The following SPNS2 variants were observed in gnomAD, a reference collection of about 807,000 sequenced individuals.
SPNS2 encodes sphingosine-1-phosphate transporter SPNS2.
A neutral mutation model predicts 57.6 loss-of-function variants in SPNS2; 37 were observed. That is an observed-to-expected ratio of 0.64 (90% CI 0.49 to 0.85). The LOEUF (loss-of-function observed/expected upper bound fraction) is 0.85. Among genes scored for constraint, SPNS2 ranks in the 40% least tolerant of loss-of-function variants. The pLI is 0.00. For synonymous variants in SPNS2, 440 were observed against 346.9 expected, an observed-to-expected ratio of 1.27 and a Z score of -2.98; for missense variants, 831 against 779.1, an observed-to-expected ratio of 1.07 and a Z score of -0.79.
rs1390623625 is a variant in SPNS2 at position 4,510,142 on chromosome 17, A to G, written c.371-3105A>G. Among the ~76,000 whole-genome samples the G allele has an allele frequency of 6.6e-6, 1 of 152,240 alleles. No homozygotes were observed. Among genetic ancestry groups the G allele is most frequent in the Non-Finnish European group, 1.5e-5 (1 of 68,034 alleles). On this transcript the variant is annotated intron_variant, in intron 1 of 12. Coordinates refer to ENST00000329078, the MANE Select transcript of SPNS2 (RefSeq NM_001124758.3). The surrounding 1 kb of genome is among the most constrained non-coding windows in gnomAD (Gnocchi z 4.4). ...CCCTCCTGTGGCTGTGGCCGCCTCC[A>G]GGCCCGGAAGAGGGAAAGCAAGCCA...
At position 4,538,469 on chromosome 17, in the gene SPNS2, CA is replaced by C. The variant is rs753177867; in HGVS notation, c.*1022del. The C allele has an allele frequency of 4.7e-4, 59 of 126,438 alleles. No individual in the cohort carries two copies. Among genetic ancestry groups the C allele is most frequent in the Admixed American group, 7.0e-4 (7 of 9,934 alleles). The allele number at this position is 126,438 out of a possible 1,614,324, so 7.8% of individuals were successfully genotyped here. On this transcript the variant is annotated 3_prime_UTR_variant, in exon 13 of 13. Coordinates refer to ENST00000329078, the MANE Select transcript of SPNS2 (RefSeq NM_001124758.3). ...CTGCTGGCATTCCACCAAGTGACCC[CA>C]GGGGGGGGCCAGGCCTTCGATCACC...
At chr17:4,529,334 C>A (rs190333620) in intron 3 of SPNS2, among the ~76,000 whole-genome samples, 79 of 152,242 alleles carry the variant, frequency 5.2e-4, no homozygotes, top group Non-Finnish European at 9.4e-4. Flanking sequence ...CCTGCCTCAG[C>A]CTCCTAAAGT....
chr17:4,525,304 T>C, intron 3 of SPNS2, 111 bp downstream of exon 3: 1 of 1,442,450 alleles, frequency 6.9e-7, no homozygotes, highest in Non-Finnish European at 9.4e-7. Context: ...GCTCCTTTGC[T>C]TGAACCCCAC....
At chr17:4,505,782 A>T (rs563940736) in intron 1 of SPNS2, among the ~76,000 whole-genome samples, 1 of 152,284 alleles carries the variant, frequency 6.6e-6, no homozygotes, top group East Asian at 1.9e-4. Flanking sequence ...ACGAGGCACT[A>T]GCCAGAGCTT....
rs1260912198 is a variant in SPNS2 at position 4,525,067 on chromosome 17, T to C, written c.447T>C (p.Cys149=). 1 of 1,614,078 alleles carries C rather than the reference T, an allele frequency of 6.2e-7. No homozygotes were observed. The highest frequency in any genetic ancestry group is 8.5e-7 in the Non-Finnish European group (1 of 1,180,014). The change falls in exon 3 of 13, where the codon TGT becomes TGC. Residue 149 remains cysteine (C), a synonymous_variant. Transcript: ENST00000329078. ...CTCCTCTCCCTGCAGTGTTCATCTG[T>C]AGCTTCATGGTGGCTGCCCCCATCT... is the stretch of plus-strand genomic sequence containing the variant. ...GAGLLQSVFI[C]SFMVAAPIFG...
Position 4,512,856 on chromosome 17 carries a change from G to A in SPNS2, c.371-391G>A, listed in dbSNP as rs111328023. The stretch of plus-strand genomic sequence containing the variant: ...GCTCCCCGCAGCTTTCAGGGCCCCC[G>A]CTGCTCTCTGAGTCATGGGCTTTGT... On this transcript the variant is annotated intron_variant, in intron 1 of 12. Transcript: ENST00000329078. This position sits in a 1 kb window ranked among gnomAD's most constrained non-coding sequence, Gnocchi z 5.2. Among the ~76,000 whole-genome samples, 58 of 152,308 alleles carry A rather than the reference G, an allele frequency of 3.8e-4. 1 individual carries two copies. The highest frequency in any genetic ancestry group is 1.3e-3 in the African/African-American group (56 of 41,574).
Position 4,499,251 on chromosome 17 carries a change from G to A in SPNS2, c.204G>A (p.Pro68=), listed in dbSNP as rs1904378704. 1 of 1,470,270 alleles carries A rather than the reference G, an allele frequency of 6.8e-7. No individual in the cohort carries two copies. The highest frequency in any genetic ancestry group is 8.9e-7 in the Non-Finnish European group (1 of 1,118,076). The allele number at this position is 1,470,270 out of a possible 1,614,324, so 91.1% of individuals were successfully genotyped here. ...TGTCGGGCAGCGTAAGGCGGGCCCC[G>A]ACCGGACCCCCCGGCACCCCCGGCA... ...QTLSGSVRRA[P]TGPPGTPGTP... Residue 68 remains proline (P), a synonymous_variant, in exon 1 of 13, where the codon CCG becomes CCA. Coordinates refer to ENST00000329078, the MANE Select transcript of SPNS2 (RefSeq NM_001124758.3). The surrounding 1 kb of genome is among the most constrained non-coding windows in gnomAD (Gnocchi z 5.2).
At chr17:4,536,847 G>T (rs376970196) in intron 11 of SPNS2, 53 bp from the exon 12 acceptor site, 10 of 1,492,070 alleles carry the variant, frequency 6.7e-6, no homozygotes, top group East Asian at 4.5e-5. Context: ...AGCAGTGCCC[G>T]GGCCCGGCCC....
At chr17:4,534,673 G>C (rs950611923) in intron 9 of SPNS2, among the ~76,000 whole-genome samples, 4 of 152,130 alleles carry the variant, frequency 2.6e-5, no homozygotes, top group Non-Finnish European at 5.9e-5. Context: ...GGGCGTATCC[G>C]CTTCCCCCTG....
In SPNS2 at chr17:4,538,723, T is replaced by C; in HGVS notation, c.*1275T>C. ...TCTTGCCCCTTAGTTACTGGCTGGCTGTGGCTTCAGTGGTGTGTAAGCAGG... is the reference window on the plus strand; with the variant it reads ...TCTTGCCCCTTAGTTACTGGCTGGCCGTGGCTTCAGTGGTGTGTAAGCAGG... On this transcript the variant is annotated 3_prime_UTR_variant, in exon 13 of 13. Transcript: ENST00000329078. 1 of 651,578 alleles carries C rather than the reference T, an allele frequency of 1.5e-6. No individual in the cohort carries two copies. The highest frequency in any genetic ancestry group is 2.7e-6 in the Non-Finnish European group (1 of 365,992). The allele number at this position is 651,578 out of a possible 1,614,324, so 40.4% of individuals were successfully genotyped here. A position where few individuals can be genotyped will look rare whatever the true frequency, so the allele number is the denominator to read the frequency against.
chr17:4,528,126 G>A (rs549025891), intron 3 of SPNS2, among the ~76,000 whole-genome samples: 15 of 151,726 alleles, frequency 9.9e-5, no homozygotes, highest in Admixed American at 3.3e-4. Flanking sequence ...GGGTTCAAGC[G>A]ATTCTCCTGC....
At chr17:4,534,747 C>T (rs1404924909) in intron 9 of SPNS2, among the ~76,000 whole-genome samples, 1 of 151,974 alleles carries the variant, frequency 6.6e-6, no homozygotes, top group African/African-American at 2.4e-5. Context: ...TGGCGCAGTT[C>T]AGAGCCTCAG....
Position 4,538,151 on chromosome 17 carries a change from C to T in SPNS2, c.*703C>T. On this transcript the variant is annotated 3_prime_UTR_variant, in exon 13 of 13. Coordinates refer to ENST00000329078, the MANE Select transcript of SPNS2 (RefSeq NM_001124758.3). ...GCTGGCATCACCAGGGGTGAAGGCCCTGGCTGCAGCTGTACACCACCTGTG... is the reference window on the plus strand; with the variant it reads ...GCTGGCATCACCAGGGGTGAAGGCCTTGGCTGCAGCTGTACACCACCTGTG... 3 of 286,078 alleles carry T rather than the reference C, an allele frequency of 1.0e-5. No individual in the cohort carries two copies. The South Asian group carries it at 1.1e-4, about 10-fold the overall frequency. The allele number at this position is 286,078 out of a possible 1,614,324, so 17.7% of individuals were successfully genotyped here.
intron 9 of SPNS2, chr17:4,534,258 C>T (rs967507600): frequency 1.8e-4 from 49 of 265,006 alleles, no homozygotes; most frequent in African/African-American, 9.0e-4. Context: ...GCTGGGCGGA[C>T]AGAGGCTGTC....
At chr17:4,528,266 T>C (rs1905318920) in intron 3 of SPNS2, among the ~76,000 whole-genome samples, 1 of 151,402 alleles carries the variant, frequency 6.6e-6, no homozygotes, top group Non-Finnish European at 1.5e-5. Flanking sequence ...CAGGTGATCC[T>C]ACCGCCTCAG....
chr17:4,513,474 C>T (rs1904906060), intron 2 of SPNS2, among the ~76,000 whole-genome samples, 162 bp downstream of exon 2: 1 of 152,248 alleles, frequency 6.6e-6, no homozygotes, highest in African/African-American at 2.4e-5. Context: ...CTGCCAATGG[C>T]ACTGCTTCTC....
rs536413958 is a variant in SPNS2, at chr17:4,499,758, C to T, written c.370+341C>T. 1.5e-4 allele frequency: 31 copies of T among 201,704 alleles called. No homozygotes were observed. Among genetic ancestry groups the T allele is most frequent in the Middle Eastern group, 1.8e-3 (1 of 544 alleles). 12.5% of individuals were successfully genotyped at this position (201,704 alleles called of 1,614,324 possible). ...TCTCTCTGTCTCCTTGTCTCTGCGC[C>T]CCCTCCGACCCCAGCTGCCGGTTCC... is the stretch of plus-strand genomic sequence containing the variant. On this transcript the variant is annotated intron_variant, in intron 1 of 12. Coordinates refer to ENST00000329078, the MANE Select transcript of SPNS2 (RefSeq NM_001124758.3). This position sits in a 1 kb window ranked among gnomAD's most constrained non-coding sequence, Gnocchi z 5.2.
intron 7 of SPNS2, 41 bp downstream of exon 7, chr17:4,533,170 T>G: frequency 6.3e-7 from 1 of 1,584,090 alleles, no homozygotes; most frequent in Non-Finnish European, 8.6e-7. Flanking sequence ...GTGAGGGACC[T>G]CGGACAGGAG....
rs1268758198 is a variant in SPNS2, at chr17:4,511,093, C to T, written c.371-2154C>T. Among the ~76,000 whole-genome samples the T allele has an allele frequency of 1.3e-5, 2 of 152,210 alleles. No individual in the cohort carries two copies. Among genetic ancestry groups the T allele is most frequent in the Non-Finnish European group, 2.9e-5 (2 of 68,048 alleles). On this transcript the variant is annotated intron_variant, in intron 1 of 12. Coordinates refer to ENST00000329078, the MANE Select transcript of SPNS2 (RefSeq NM_001124758.3). This position sits in a 1 kb window ranked among gnomAD's most constrained non-coding sequence, Gnocchi z 4.6. ...CAGTTCCTTGGAACTTAGCGGGAAGCGGTAACTAGCGGCTCTCAGCTCAGG... is the reference window on the plus strand; with the variant it reads ...CAGTTCCTTGGAACTTAGCGGGAAGTGGTAACTAGCGGCTCTCAGCTCAGG...
Sources: allele counts gnomAD v4.1 joint callset (sites outside exome capture counted in the v4.1 genomes callset), GRCh38; gene constraint gnomAD v4.1.1; non-coding constraint Gnocchi (gnomAD v3.1); transcripts MANE v1.5; gene names NCBI Gene and HGNC (gene_info 2026-07-23, HGNC 2026-07-21).